The following GOLGA6L24 variants were observed in gnomAD, a reference collection of about 807,000 sequenced individuals.
GOLGA6L24 encodes golgin A6 family like 24, also known as golgin subfamily A member 6-like protein 24.
At chr15:28,353,126 C>T in the GOLGA6L24 span, 2 of 554,140 alleles carry the variant, frequency 3.6e-6, no homozygotes, top group Non-Finnish European at 3.0e-6. Context: ...TCCACCTTCC[C>T]CCATCCTACG....
the GOLGA6L24 span, among the ~76,000 whole-genome samples, chr15:28,353,426 C>A: frequency 6.6e-6 from 1 of 151,478 alleles, no homozygotes; most frequent in Non-Finnish European, 1.5e-5. Flanking sequence ...CACTGGAGTG[C>A]AATGGCACAA....
chr15:28,355,041 G>T, the GOLGA6L24 span: 1 of 1,612,004 alleles, frequency 6.2e-7, no homozygotes, highest in South Asian at 1.1e-5. Flanking sequence ...CTTGCTAGGG[G>T]GAGGCAGAGA....
At chr15:28,350,546 T>C in the GOLGA6L24 span, 10 of 70,378 alleles carry the variant, frequency 1.4e-4, 1 homozygote, top group South Asian at 9.7e-4. Context: ...CATCTTCCCC[T>C]CCTGCTCCCC....
chr15:28,353,430 G>T, the GOLGA6L24 span, among the ~76,000 whole-genome samples: 4 of 150,918 alleles, frequency 2.7e-5, no homozygotes, highest in Non-Finnish European at 2.9e-5. Context: ...GGAGTGCAAT[G>T]GCACAATCTC....
the GOLGA6L24 span, among the ~76,000 whole-genome samples, chr15:28,353,412 C>A: frequency 1.1e-4 from 16 of 151,204 alleles, no homozygotes; most frequent in African/African-American, 3.9e-4. Context: ...ATTCTTGTTG[C>A]CCTCACTGGA....
chr15:28,353,457 C>T, the GOLGA6L24 span, among the ~76,000 whole-genome samples: 5 of 151,656 alleles, frequency 3.3e-5, no homozygotes, highest in South Asian at 8.4e-4. Flanking sequence ...CCACAACCTA[C>T]ACCTCCGGGG....
chr15:28,353,424 T>C, the GOLGA6L24 span, among the ~76,000 whole-genome samples: 1 of 151,432 alleles, frequency 6.6e-6, no homozygotes, highest in African/African-American at 2.4e-5. Context: ...CTCACTGGAG[T>C]GCAATGGCAC....
chr15:28,354,663 A>C, the GOLGA6L24 span: 1 of 1,278,458 alleles, frequency 7.8e-7, no homozygotes, highest in Non-Finnish European at 1.1e-6. Flanking sequence ...GCGGCTGATC[A>C]GATCCCTGGC....
the GOLGA6L24 span, chr15:28,354,860 A>G: frequency 1.9e-6 from 3 of 1,607,678 alleles, 1 homozygote; most frequent in Non-Finnish European, 2.5e-6. Context: ...TATGGTTTGA[A>G]CCTGGGCCTT....
chr15:28,353,385 T>A, the GOLGA6L24 span, among the ~76,000 whole-genome samples: 1 of 150,276 alleles, frequency 6.7e-6, no homozygotes, highest in Non-Finnish European at 1.5e-5. Flanking sequence ...TTTTTTTTTT[T>A]TTTTTGGCAG....
At chr15:28,353,414 C>T in the GOLGA6L24 span, among the ~76,000 whole-genome samples, 7,453 of 148,964 alleles carry the variant, frequency 0.05, 4 homozygotes, top group East Asian at 0.47. Context: ...TCTTGTTGCC[C>T]TCACTGGAGT....
At chr15:28,353,979 T>TAAAA in the GOLGA6L24 span, among the ~76,000 whole-genome samples, 1 of 134,226 alleles carries the variant, frequency 7.5e-6, no homozygotes, top group Admixed American at 7.9e-5. Context: ...CACCCAGGTA[T>TAAAA]ATCTGATTCT....
the GOLGA6L24 span, chr15:28,354,778 C>G: frequency 1.2e-6 from 2 of 1,600,816 alleles, no homozygotes; most frequent in Non-Finnish European, 1.7e-6. Flanking sequence ...TCCCACCTTC[C>G]AACTGCTTGA....
At chr15:28,355,136 T>C in the GOLGA6L24 span, 1 of 939,954 alleles carries the variant, frequency 1.1e-6, no homozygotes, top group Non-Finnish European at 1.7e-6. Flanking sequence ...AGGGACCCTG[T>C]GGGGATGGGG....
At chr15:28,354,822 G>T in the GOLGA6L24 span, 2 of 1,605,316 alleles carry the variant, frequency 1.2e-6, no homozygotes, top group Non-Finnish European at 1.7e-6. Flanking sequence ...GCCATCTGAA[G>T]CTCAGTTTTC....
At chr15:28,354,773 C>A in the GOLGA6L24 span, 1 of 1,600,078 alleles carries the variant, frequency 6.2e-7, no homozygotes, top group South Asian at 1.1e-5. Flanking sequence ...CAGATTCCCA[C>A]CTTCCAACTG....
chr15:28,354,898 A>G, the GOLGA6L24 span: 3 of 1,607,946 alleles, frequency 1.9e-6, no homozygotes, highest in Admixed American at 5.0e-5. Flanking sequence ...AAATGCTGAA[A>G]GAGAAGCAAA....
chr15:28,354,868 C>T, the GOLGA6L24 span: 5 of 1,607,798 alleles, frequency 3.1e-6, 1 homozygote, highest in Non-Finnish European at 4.2e-6. Flanking sequence ...GAACCTGGGC[C>T]TTTGGGAGAA....
chr15:28,353,374 CTTTTTTT>C, the GOLGA6L24 span, among the ~76,000 whole-genome samples: 7 of 143,322 alleles, frequency 4.9e-5, no homozygotes, highest in African/African-American at 1.6e-4. Flanking sequence ...TTCTTTCTTT[CTTTTTTT>C]TTTTTTTTTG....
Sources: allele counts gnomAD v4.1 joint callset (sites outside exome capture counted in the v4.1 genomes callset), GRCh38; gene constraint gnomAD v4.1.1; transcripts MANE v1.5; gene names NCBI Gene and HGNC (gene_info 2026-07-23, HGNC 2026-07-21).